GABRG1: variants seen among roughly 807,000 people sequenced by gnomAD.
GABRG1 encodes gamma-aminobutyric acid type A receptor subunit gamma1, also known as gamma-aminobutyric acid receptor subunit gamma-1.
In GABRG1, 49 loss-of-function variants were observed where a neutral mutation model predicts 49.8. The ratio of observed to expected loss-of-function variants is 0.98; its 90% CI spans 0.78 to 1.25. The LOEUF is 1.25. GABRG1 is among the 50% of genes most tolerant of loss of function. The pLI is 0.00. For synonymous variants in GABRG1, 232 were observed against 185.1 expected (o/e 1.25, Z -2.06); for missense variants, 552 against 552.3 (o/e 1.00, Z 0.01).
intron 1 of GABRG1, among the ~76,000 whole-genome samples, chr4:46,115,290 C>T (rs1720848576): frequency 6.7e-6 from 1 of 150,008 alleles, no homozygotes; most frequent in Non-Finnish European, 1.5e-5. Flanking sequence ...TAGATGTATC[C>T]CAAAAATACA....
Position 46,064,443 on chromosome 4 carries a change from C to A in GABRG1, c.623G>T (p.Ser208Ile). The change falls in exon 5 of 9, where the codon AGC becomes ATC. Residue 208 changes from serine to isoleucine, a missense_variant and splice_region_variant. Coordinates refer to ENST00000295452, the MANE Select transcript of GABRG1 (RefSeq NM_173536.4). ...TTATCAAGTGTTTTGTTACTTACAG[C>A]TTGAAAATTCCAGTGGACAGGAATG... The part of the protein sequence containing the change: ...DEHSCPLEFS[S>I]YGYPKNEIEY... The A allele has an allele frequency of 6.7e-7, 1 of 1,502,584 alleles. No homozygotes were observed. The highest frequency in any genetic ancestry group is 1.3e-5 in the South Asian group (1 of 74,542). 93.1% of individuals were successfully genotyped at this position (1,502,584 alleles called of 1,614,324 possible).
chr4:46,100,877 C>A (rs1720358034), intron 1 of GABRG1, among the ~76,000 whole-genome samples: 1 of 150,988 alleles, frequency 6.6e-6, no homozygotes, highest in South Asian at 2.1e-4. Context: ...TCAGTTTCGG[C>A]AATAACATAA....
rs137932214 is a variant in GABRG1, at chr4:46,041,121, C to T, written c.1265G>A (p.Cys422Tyr). The T allele has an allele frequency of 5.0e-6, 8 of 1,613,110 alleles. No individual in the cohort carries two copies. The highest frequency in any genetic ancestry group is 5.9e-6 in the Non-Finnish European group (7 of 1,179,472). Reference protein sequence around the residue: ...CASFFCCFEDCRTGSWREGRI... With the variant: ...CASFFCCFEDYRTGSWREGRI... ...TCCTTCCCTCCAAGATCCTGTTCTG[C>T]AGTCTTCAAAGCAACAGAAGAAGCT... The change falls in exon 9 of 9, where the codon TGC becomes TAC. Residue 422 changes from cysteine to tyrosine, a missense_variant. Physicochemically the swap from Cys to Tyr is radical, Grantham distance 194. Transcript: ENST00000295452.
In GABRG1 at chr4:46,091,722, G is replaced by A. The variant is rs1346120340; in HGVS notation, c.253+5479C>T. 3.9e-5 allele frequency among the ~76,000 whole-genome samples: 6 copies of A among 152,092 alleles called. No individual in the cohort carries two copies. In the East Asian group the frequency reaches 7.8e-4, roughly 20 times the overall value. The stretch of plus-strand genomic sequence containing the variant: ...GACATAGCAGAGGTCAAACATACCC[G>A]CAAGTGGAGTTGCAGAGAAATTGAG... On this transcript the variant is annotated intron_variant, in intron 2 of 8. Coordinates refer to ENST00000295452, the MANE Select transcript of GABRG1 (RefSeq NM_173536.4).
At chr4:46,047,011 A>G (rs919306023) in intron 8 of GABRG1, among the ~76,000 whole-genome samples, 2 of 152,076 alleles carry the variant, frequency 1.3e-5, no homozygotes, top group Non-Finnish European at 2.9e-5. Context: ...CCTAAGAGAA[A>G]ATGTTTCTTT....
rs1717602123 is a variant in GABRG1, at chr4:46,038,110, A to G, written c.*2878T>C. Reference sequence around the variant, plus strand: ...TTTAACTTAAAATAAAATGCCTCCAATTAGTTATCTAATTCCCACTTACAT... The same window carrying G: ...TTTAACTTAAAATAAAATGCCTCCAGTTAGTTATCTAATTCCCACTTACAT... On this transcript the variant is annotated 3_prime_UTR_variant, in exon 9 of 9. Coordinates refer to ENST00000295452, the MANE Select transcript of GABRG1 (RefSeq NM_173536.4). The G allele has an allele frequency of 2.6e-5, 4 of 151,682 alleles. No individual in the cohort carries two copies. The highest frequency in any genetic ancestry group is 2.0e-4 in the Admixed American group (3 of 15,180). The allele number at this position is 151,682 out of a possible 1,614,324, so 9.4% of individuals were successfully genotyped here.
intron 5 of GABRG1, among the ~76,000 whole-genome samples, chr4:46,063,333 G>A (rs1241517117): frequency 5.9e-5 from 9 of 151,988 alleles, no homozygotes; most frequent in Admixed American, 1.3e-4. Context: ...ATAGATCAAC[G>A]GAACAGAACA....
At position 46,123,926 on chromosome 4, in the gene GABRG1, T is replaced by C. The variant is rs373613726; in HGVS notation, c.-13A>G. On this transcript the variant is annotated 5_prime_UTR_variant, in exon 1 of 9. Coordinates refer to ENST00000295452, the MANE Select transcript of GABRG1 (RefSeq NM_173536.4). ...TCAAAGGACCCATCGGAATCGCTTT[T>C]TTACGTGTGCTGCACTAGCTCAATT... The C allele has an allele frequency of 8.2e-5, 131 of 1,599,544 alleles. No homozygotes were observed. The highest frequency in any genetic ancestry group is 1.1e-4 in the Non-Finnish European group (127 of 1,167,384).
intron 1 of GABRG1, among the ~76,000 whole-genome samples, chr4:46,111,514 A>G (rs569107989): frequency 6.6e-5 from 10 of 151,520 alleles, no homozygotes; most frequent in African/African-American, 2.4e-4. Flanking sequence ...TATGGAACAA[A>G]AAAGGAGCCC....
chr4:46,041,419 C>T (rs1717779086), intron 8 of GABRG1, among the ~76,000 whole-genome samples, 165 bp from the exon 9 acceptor site: 1 of 151,652 alleles, frequency 6.6e-6, no homozygotes, highest in East Asian at 1.9e-4. Flanking sequence ...TTATAATTTG[C>T]TTTGTAATAG....
chr4:46,052,128 A>G (rs1341983190), intron 7 of GABRG1, among the ~76,000 whole-genome samples: 1 of 151,812 alleles, frequency 6.6e-6, no homozygotes, highest in Non-Finnish European at 1.5e-5. Context: ...ACTATCTTAA[A>G]ACATTAGATA....
chr4:46,095,652 G>A (rs1720141333), intron 2 of GABRG1, among the ~76,000 whole-genome samples: 1 of 151,734 alleles, frequency 6.6e-6, no homozygotes, highest in Admixed American at 6.6e-5. Context: ...AAAAGTCAGT[G>A]AAAGAAAACA....
intron 3 of GABRG1, among the ~76,000 whole-genome samples, chr4:46,078,682 T>C (rs927707726): frequency 6.6e-6 from 1 of 151,984 alleles, no homozygotes; most frequent in African/African-American, 2.4e-5. Context: ...GAGTTTATTA[T>C]CAAAATGAGT....
intron 2 of GABRG1, among the ~76,000 whole-genome samples, chr4:46,093,068 T>G (rs1313677168): frequency 1.5e-5 from 1 of 64,552 alleles, no homozygotes; most frequent in Admixed American, 1.4e-4. Flanking sequence ...AAACTCCATC[T>G]TAAAAAAAAA....
chr4:46,083,697 T>C (rs1719654188), intron 3 of GABRG1, among the ~76,000 whole-genome samples: 1 of 151,596 alleles, frequency 6.6e-6, no homozygotes, highest in Non-Finnish European at 1.5e-5. Flanking sequence ...TCCTGATTTT[T>C]TTTCTTTCCA....
At chr4:46,123,262 T>C (rs1264752522) in intron 1 of GABRG1, among the ~76,000 whole-genome samples, 1 of 152,050 alleles carries the variant, frequency 6.6e-6, no homozygotes, top group Non-Finnish European at 1.5e-5. Flanking sequence ...ACTTGGATAC[T>C]ATACATTTTT....
intron 1 of GABRG1, among the ~76,000 whole-genome samples, chr4:46,102,777 ATTACTC>A (rs1422966465): frequency 6.6e-6 from 1 of 151,696 alleles, no homozygotes; most frequent in Non-Finnish European, 1.5e-5. Flanking sequence ...TAATAACTAT[ATTACTC>A]TTCTACATAA....
At chr4:46,070,410 T>C (rs1577646210) in intron 3 of GABRG1, among the ~76,000 whole-genome samples, 1 of 151,874 alleles carries the variant, frequency 6.6e-6, no homozygotes, top group Non-Finnish European at 1.5e-5. Context: ...AGTAATGCAA[T>C]CTGTAGGGTT....
intron 3 of GABRG1, among the ~76,000 whole-genome samples, chr4:46,076,354 G>A (rs1392105850): frequency 3.9e-5 from 4 of 101,492 alleles, no homozygotes; most frequent in African/African-American, 1.6e-4. Context: ...TTTATCTTAG[G>A]TCATGTTCAT....
Sources: gnomAD v4.1 joint callset for allele counts (sites outside exome capture counted in the v4.1 genomes callset) on GRCh38, gnomAD v4.1.1 for gene constraint, MANE v1.5 for transcripts, NCBI Gene and HGNC (gene_info 2026-07-23, HGNC 2026-07-21) for gene names.